CA10: variants seen among roughly 807,000 people sequenced by gnomAD.
CA10 encodes the protein carbonic anhydrase 10 (inactive), also known as carbonic anhydrase-related protein 10.
Under a neutral mutation model 44.2 loss-of-function variants are expected in CA10, and 14 were observed. That is an observed-to-expected ratio of 0.32 (90% confidence interval 0.21 to 0.50). CA10 has a LOEUF of 0.50. Among genes scored for constraint, CA10 ranks in the 20% least tolerant of loss-of-function variants. The probability of loss-of-function intolerance (pLI) is 0.99; values close to 1 mark genes in which losing one functional copy is unlikely to be tolerated. For missense variants in CA10, 350 were observed against 409.7 expected, an observed-to-expected ratio of 0.85 and a Z score of 1.26; for synonymous variants, 159 against 141.6, an observed-to-expected ratio of 1.12 and a Z score of -0.87.
intron 3 of CA10, among the ~76,000 whole-genome samples, chr17:51,781,373 G>A (rs1439284004): frequency 6.6e-6 from 1 of 152,182 alleles, no homozygotes; most frequent in Non-Finnish European, 1.5e-5. Flanking sequence ...ATTTGAAGAT[G>A]GAGATGTGGG....
Position 51,987,479 on chromosome 17 carries a change from C to A in CA10, c.137-56347G>T, listed in dbSNP as rs186386528. The stretch of plus-strand genomic sequence containing the variant: ...AATCTCACAAATCACCACTAAAGAA[C>A]TTACTCATGTAAGCAAACACCACCT... On this transcript the variant is annotated intron_variant, in intron 2 of 8. Transcript: ENST00000451037. Among the ~76,000 whole-genome samples the A allele has an allele frequency of 8.6e-5, 13 of 152,004 alleles. No individual in the cohort carries two copies. In the East Asian group the frequency reaches 2.5e-3, roughly 29 times the overall value.
chr17:51,711,055 G>C (rs1915930623), intron 4 of CA10, among the ~76,000 whole-genome samples: 1 of 149,858 alleles, frequency 6.7e-6, no homozygotes, highest in Admixed American at 6.8e-5. Context: ...TAATTAAATG[G>C]TTCAGTAAAC....
intron 2 of CA10, among the ~76,000 whole-genome samples, chr17:51,969,994 C>G (rs188074129): frequency 1.1e-4 from 16 of 152,058 alleles, no homozygotes; most frequent in African/African-American, 3.9e-4. Context: ...ACTGAGTGAG[C>G]TGTTTGTAGA....
intron 3 of CA10, among the ~76,000 whole-genome samples, chr17:51,846,816 A>G (rs2143814344): frequency 6.6e-6 from 1 of 152,356 alleles, no homozygotes; most frequent in Non-Finnish European, 1.5e-5. Context: ...TATGTTTTAG[A>G]AAAGTACATG....
At chr17:51,760,557 C>G (rs1214428256) in intron 3 of CA10, among the ~76,000 whole-genome samples, 1 of 152,074 alleles carries the variant, frequency 6.6e-6, no homozygotes, top group African/African-American at 2.4e-5. Flanking sequence ...GGAGGAGGAA[C>G]AGAGAGAAAT....
In CA10 at chr17:52,114,149, CTTT is replaced by C. The variant is rs561525578; in HGVS notation, c.62-41759_62-41757del. Reference sequence around the variant, plus strand: ...CAAGTGAGTCTCCTGAATGAAGCTTCTTTATCATATTCACCAATTCACTGCATC... The same window carrying C: ...CAAGTGAGTCTCCTGAATGAAGCTTCATCATATTCACCAATTCACTGCATC... On this transcript the variant is annotated intron_variant, in intron 1 of 8. Transcript: ENST00000451037. Among the ~76,000 whole-genome samples the C allele has an allele frequency of 3.8e-3, 581 of 152,326 alleles. 2 individuals are homozygous for C. The highest frequency in any genetic ancestry group is 6.2e-3 in the Non-Finnish European group (425 of 68,038).
chr17:51,994,748 G>A (rs1246315483), intron 2 of CA10, among the ~76,000 whole-genome samples: 3 of 151,772 alleles, frequency 2.0e-5, no homozygotes, highest in Non-Finnish European at 2.9e-5. Context: ...AAAATTATAG[G>A]GAAATCTACA....
intron 2 of CA10, among the ~76,000 whole-genome samples, chr17:51,970,202 T>C (rs4141125): frequency 0.12 from 18,508 of 152,056 alleles, 1,156 homozygotes; most frequent in South Asian, 0.2. Flanking sequence ...TTAAATCCTA[T>C]TAAAGCACAA....
chr17:51,922,089 G>C (rs528914965), intron 3 of CA10, among the ~76,000 whole-genome samples: 4 of 152,308 alleles, frequency 2.6e-5, no homozygotes, highest in South Asian at 4.2e-4. Flanking sequence ...TTCTCTGCCA[G>C]TCATTGGCTT....
In CA10 at chr17:51,693,318, G is replaced by T. The variant is rs116824059; in HGVS notation, c.466-39582C>A. 2.2e-3 allele frequency among the ~76,000 whole-genome samples: 337 copies of T among 152,152 alleles called. 1 individual carries two copies. The highest frequency in any genetic ancestry group is 7.9e-3 in the African/African-American group (328 of 41,510). On this transcript the variant is annotated intron_variant, in intron 4 of 8. Coordinates refer to ENST00000451037, the MANE Select transcript of CA10 (RefSeq NM_020178.5). Reference sequence around the variant, plus strand: ...GTTTAGAACAGTTTAGACTCCTCTGGGTAATTATATCTTTTTCTCTTTAAA... The same window carrying T: ...GTTTAGAACAGTTTAGACTCCTCTGTGTAATTATATCTTTTTCTCTTTAAA...
intron 4 of CA10, among the ~76,000 whole-genome samples, chr17:51,747,221 A>G (rs1434894841): frequency 6.6e-6 from 1 of 152,222 alleles, no homozygotes; most frequent in East Asian, 1.9e-4. Flanking sequence ...TTATGCAAAT[A>G]TGACTCATTA....
intron 3 of CA10, among the ~76,000 whole-genome samples, chr17:51,768,438 C>A (rs886757658): frequency 1.3e-5 from 2 of 152,182 alleles, no homozygotes; most frequent in African/African-American, 2.4e-5. Context: ...ATAAGACATT[C>A]CATCATCTTT....
chr17:51,644,870 C>T (rs941715099), intron 6 of CA10, among the ~76,000 whole-genome samples: 1 of 148,212 alleles, frequency 6.7e-6, no homozygotes, highest in Admixed American at 6.9e-5. Flanking sequence ...ACGATCTCAG[C>T]TCACTGCCAC....
At chr17:51,726,852 A>G (rs1020009525) in intron 4 of CA10, among the ~76,000 whole-genome samples, 7 of 152,236 alleles carry the variant, frequency 4.6e-5, no homozygotes, top group African/African-American at 1.7e-4. Context: ...CTCATTTGAC[A>G]AACAAGAGGC....
chr17:51,860,051 T>C (rs1979233882), intron 3 of CA10, among the ~76,000 whole-genome samples: 1 of 152,200 alleles, frequency 6.6e-6, no homozygotes, highest in Non-Finnish European at 1.5e-5. Context: ...GATTTACTTA[T>C]TCCTGATTTA....
rs963503353 is a variant in CA10 at position 51,811,594 on chromosome 17, G to A, written c.280-63776C>T. Among the ~76,000 whole-genome samples the A allele has an allele frequency of 3.9e-4, 60 of 152,228 alleles. 1 individual carries two copies. Among genetic ancestry groups the A allele is most frequent in the Middle Eastern group, 6.8e-3 (2 of 292 alleles). ...AATGATGGTTTCCAGCTTCATTCATGTCCCTGAAAAGGACATGAACTCATC... is the reference window on the plus strand; with the variant it reads ...AATGATGGTTTCCAGCTTCATTCATATCCCTGAAAAGGACATGAACTCATC... On this transcript the variant is annotated intron_variant, in intron 3 of 8. Transcript: ENST00000451037.
intron 3 of CA10, among the ~76,000 whole-genome samples, chr17:51,891,208 G>A (rs551258892): frequency 6.6e-6 from 1 of 152,150 alleles, no homozygotes; most frequent in Non-Finnish European, 1.5e-5. Context: ...TGTGGGGACT[G>A]AGGTGGTGTG....
intron 4 of CA10, among the ~76,000 whole-genome samples, chr17:51,702,314 G>A (rs1051405871): frequency 6.6e-6 from 1 of 152,134 alleles, no homozygotes; most frequent in Non-Finnish European, 1.5e-5. Flanking sequence ...GGTAGACCCA[G>A]ATTCAGATCC....
At chr17:52,110,324 T>C (rs2143281634) in intron 1 of CA10, among the ~76,000 whole-genome samples, 1 of 152,332 alleles carries the variant, frequency 6.6e-6, no homozygotes, top group Admixed American at 6.5e-5. Flanking sequence ...CAGGATAAAA[T>C]GAGTCCTCTG....
Sources: allele counts gnomAD v4.1 joint callset (sites outside exome capture counted in the v4.1 genomes callset), GRCh38; gene constraint gnomAD v4.1.1; transcripts MANE v1.5; gene names NCBI Gene and HGNC (gene_info 2026-07-23, HGNC 2026-07-21).